Variants in SLC14A1 observed in about 807,000 individuals in gnomAD.
SLC14A1 encodes the protein urea transporter 1.
Under a neutral mutation model 39.6 loss-of-function variants are expected in SLC14A1, and 36 were observed. The ratio of observed to expected loss-of-function variants is 0.91; its 90% confidence interval spans 0.70 to 1.20. The LOEUF (loss-of-function observed/expected upper bound fraction) is 1.20. SLC14A1 is among the 50% of genes most tolerant of loss of function. SLC14A1 has a pLI of 0.00. For synonymous variants in SLC14A1, 164 were observed against 173.6 expected, an observed-to-expected ratio of 0.94 and a Z score of 0.43; for missense variants, 469 against 478.7, an observed-to-expected ratio of 0.98 and a Z score of 0.19.
intron 4 of SLC14A1, among the ~76,000 whole-genome samples, chr18:45,732,551 C>T (rs546019975): frequency 7.1e-4 from 108 of 152,344 alleles, no homozygotes; most frequent in Admixed American, 2.4e-3. Context: ...GATTAATGTA[C>T]GTGACATCAT....
At position 45,751,369 on chromosome 18, in the gene SLC14A1, AAAAAC is replaced by A. The variant is rs28903068; in HGVS notation, c.*1445_*1449del. 0.1 allele frequency: 84,939 copies of A among 822,596 alleles called. 5,905 individuals are homozygous for A. The highest frequency in any genetic ancestry group is 0.42 in the East Asian group (3,389 of 8,120). 51.0% of individuals were successfully genotyped at this position (822,596 alleles called of 1,614,324 possible). On this transcript the variant is annotated 3_prime_UTR_variant, in exon 10 of 10. Coordinates refer to ENST00000321925, the MANE Select transcript of SLC14A1 (RefSeq NM_015865.7). ...AAAAAAAAAAAAAACAAACAAAAAC[AAAAAC>A]AAAACAAAACAAAACAAAACAAAAC...
chr18:45,740,672 C>T (rs531516741), intron 8 of SLC14A1, among the ~76,000 whole-genome samples: 28 of 152,154 alleles, frequency 1.8e-4, no homozygotes, highest in African/African-American at 6.5e-4. Flanking sequence ...AGTAAAGTAG[C>T]TAGGACCACA....
chr18:45,738,895 AG>A (rs1163415313), intron 6 of SLC14A1, among the ~76,000 whole-genome samples: 2 of 152,158 alleles, frequency 1.3e-5, no homozygotes, highest in African/African-American at 4.8e-5. Flanking sequence ...GCCAAGTGTC[AG>A]TGCAAGCAGG....
chr18:45,725,949 G>A (rs2046852739), intron 2 of SLC14A1, among the ~76,000 whole-genome samples: 1 of 152,148 alleles, frequency 6.6e-6, no homozygotes, highest in Non-Finnish European at 1.5e-5. Context: ...TGCCAGGCAG[G>A]GGCAGAAGGA....
At chr18:45,733,635 G>C (rs944290140) in intron 4 of SLC14A1, among the ~76,000 whole-genome samples, 1 of 152,186 alleles carries the variant, frequency 6.6e-6, no homozygotes, top group Non-Finnish European at 1.5e-5. Context: ...AAAGAAAACA[G>C]AGCAGATTGC....
In SLC14A1 at chr18:45,734,147, A is replaced by T. The variant is rs1405409389; in HGVS notation, c.342-127A>T. On this transcript the variant is annotated intron_variant, in intron 4 of 9. Coordinates refer to ENST00000321925, the MANE Select transcript of SLC14A1 (RefSeq NM_015865.7). ...TGTACGATGCTTACGTAGACTTTGA[A>T]ATACATTTCCAAATATAATCTCATT... 4 of 1,239,798 alleles carry T rather than the reference A, an allele frequency of 3.2e-6. No homozygotes were observed. The African/African-American group carries it at 6.0e-5, about 19-fold the overall frequency. The allele number at this position is 1,239,798 out of a possible 1,614,324, so 76.8% of individuals were successfully genotyped here. A position where few individuals can be genotyped will look rare whatever the true frequency, so the allele number is the denominator to read the frequency against.
Position 45,734,393 on chromosome 18 carries a change from C to G in SLC14A1, c.461C>G (p.Ser154Cys). Reference sequence around the variant, plus strand: ...CTGTTACTCCCTGTATGTGCTATGTCCATGACTTGGTAAGTTACAATTGGT... The same window carrying G: ...CTGTTACTCCCTGTATGTGCTATGTGCATGACTTGGTAAGTTACAATTGGT... The part of the protein sequence containing the change: ...WWLLLPVCAM[S>C]MTCPIFSSAL... Residue 154 changes from serine (S) to cysteine (C), a missense_variant, in exon 5 of 10, where the codon TCC (serine) becomes TGC (cysteine). Physicochemically the swap from Ser to Cys is moderately radical, Grantham distance 112 (BLOSUM62 -1). Coordinates refer to ENST00000321925, the MANE Select transcript of SLC14A1 (RefSeq NM_015865.7). 1.9e-6 allele frequency: 3 copies of G among 1,613,006 alleles called. No individual in the cohort carries two copies. Among genetic ancestry groups the G allele is most frequent in the Non-Finnish European group, 2.5e-6 (3 of 1,179,760 alleles).
chr18:45,736,959 CCCTTAAGGCATGTGGCCTCCAG>C (rs1214735972), intron 6 of SLC14A1, among the ~76,000 whole-genome samples: 1 of 151,580 alleles, frequency 6.6e-6, no homozygotes, highest in African/African-American at 2.4e-5. Flanking sequence ...TGGGAGCCAG[CCCTTAAGGCATGTGGCCTCCAG>C]CCTGGTTTTA....
chr18:45,743,770 T>C (rs2047460695), intron 8 of SLC14A1, among the ~76,000 whole-genome samples: 1 of 152,184 alleles, frequency 6.6e-6, no homozygotes, highest in Non-Finnish European at 1.5e-5. Context: ...TATTTTCTCC[T>C]CTCAATTGCT....
chr18:45,739,447 C>T (rs2047292639), intron 7 of SLC14A1, 81 bp from the exon 8 acceptor site: 1 of 1,607,578 alleles, frequency 6.2e-7, no homozygotes, highest in South Asian at 1.1e-5. Flanking sequence ...ATGCTTCCTG[C>T]TAACTTTCAA....
In SLC14A1 at chr18:45,736,637, A is replaced by G; in HGVS notation, c.652A>G (p.Ser218Gly). Residue 218 changes from serine to glycine, a missense_variant, in exon 6 of 10, where the codon AGT (serine) becomes GGT (glycine). By Grantham distance (56) the Ser-to-Gly change is moderately conservative (BLOSUM62 0). Transcript: ENST00000321925. Reference protein sequence around the residue: ...TAPNISWSDLSALELLKSIPV... With the variant: ...TAPNISWSDLGALELLKSIPV... The stretch of plus-strand genomic sequence containing the variant: ...TCCAAATATCTCCTGGTCTGACCTC[A>G]GTGCCCTGGAGGTAAGAGACACTGG... The G allele has an allele frequency of 1.2e-6, 2 of 1,614,052 alleles. No homozygotes were observed. The highest frequency in any genetic ancestry group is 1.3e-5 in the African/African-American group (1 of 75,052).
chr18:45,736,067 A>G (rs1274497438), intron 5 of SLC14A1, among the ~76,000 whole-genome samples: 2 of 152,234 alleles, frequency 1.3e-5, no homozygotes, highest in African/African-American at 4.8e-5. Flanking sequence ...CTGCCAAATC[A>G]GAATCAGGGT....
chr18:45,729,403 A>T (rs1348300830), intron 2 of SLC14A1: 1 of 152,150 alleles, frequency 6.6e-6, no homozygotes, highest in Non-Finnish European at 1.5e-5. Flanking sequence ...AATTCTGGTG[A>T]TATTGGTGCT....
intron 8 of SLC14A1, among the ~76,000 whole-genome samples, chr18:45,743,186 G>A (rs2047437413): frequency 6.6e-6 from 1 of 152,212 alleles, no homozygotes; most frequent in African/African-American, 2.4e-5. Flanking sequence ...CCTAGAGAGG[G>A]CTTTTTTGCC....
Position 45,725,615 on chromosome 18 carries a change from A to G in SLC14A1, c.-22+602A>G, listed in dbSNP as rs181687075. 2.2e-4 allele frequency among the ~76,000 whole-genome samples: 34 copies of G among 152,322 alleles called. No homozygotes were observed. The East Asian group carries it at 6.4e-3, about 29-fold the overall frequency. On this transcript the variant is annotated intron_variant, in intron 2 of 9. Coordinates refer to ENST00000321925, the MANE Select transcript of SLC14A1 (RefSeq NM_015865.7). ...TAGCCCTCTCTGCATACTCCAGCAC[A>G]CAGAAACTGCTGCTTCACTTGTTTG...
chr18:45,741,545 C>A (rs2047378239), intron 8 of SLC14A1, among the ~76,000 whole-genome samples: 1 of 152,120 alleles, frequency 6.6e-6, no homozygotes, highest in Admixed American at 6.5e-5. Context: ...AGACCCATTC[C>A]ATTTTGATTC....
At chr18:45,730,103 C>T in intron 2 of SLC14A1, 197 bp from the exon 3 acceptor site, 1 of 525,052 alleles carries the variant, frequency 1.9e-6, no homozygotes, top group Non-Finnish European at 3.3e-6. Flanking sequence ...GGTAGCATTA[C>T]AGACACTGAT....
At chr18:45,726,010 C>G (rs1303470582) in intron 2 of SLC14A1, among the ~76,000 whole-genome samples, 1 of 152,262 alleles carries the variant, frequency 6.6e-6, no homozygotes, top group South Asian at 2.1e-4. Context: ...TCTCTTTTTT[C>G]ATTCTTCATT....
At position 45,739,145 on chromosome 18, in the gene SLC14A1, C is replaced by T; in HGVS notation, c.664-18C>T. On this transcript the variant is annotated intron_variant, in intron 6 of 9. Coordinates refer to ENST00000321925, the MANE Select transcript of SLC14A1 (RefSeq NM_015865.7). ...CAGTTGTTTTGGTAGCCTCATTTTTCTTAAATTTCTTTTGCAGTTGTTGAA... is the reference window on the plus strand; with the variant it reads ...CAGTTGTTTTGGTAGCCTCATTTTTTTTAAATTTCTTTTGCAGTTGTTGAA... 1 of 1,614,050 alleles carries T rather than the reference C, an allele frequency of 6.2e-7. No individual in the cohort carries two copies. The highest frequency in any genetic ancestry group is 1.1e-5 in the South Asian group (1 of 91,072).
Sources: gnomAD v4.1 joint callset for allele counts (sites outside exome capture counted in the v4.1 genomes callset) on GRCh38, gnomAD v4.1.1 for gene constraint, MANE v1.5 for transcripts, NCBI Gene and HGNC (gene_info 2026-07-23, HGNC 2026-07-21) for gene names.